The following SGTB variants were observed in gnomAD, a reference collection of about 807,000 sequenced individuals.
The protein encoded by SGTB is small glutamine rich tetratricopeptide repeat co-chaperone beta.
A neutral mutation model predicts 43.9 loss-of-function variants in SGTB; 19 were observed. The ratio of observed to expected loss-of-function variants is 0.43; its 90% CI spans 0.30 to 0.63. The LOEUF (loss-of-function observed/expected upper bound fraction) is 0.63, where lower values mean the gene tolerates loss of function less well. SGTB is among the 30% of genes least tolerant of loss of function. The pLI, the probability that SGTB is intolerant of heterozygous loss-of-function variation, is 0.12. For missense variants in SGTB, 304 were observed against 358.9 expected, an observed-to-expected ratio of 0.85 and a Z score of 1.24; for synonymous variants, 116 against 117.3, an observed-to-expected ratio of 0.99 and a Z score of 0.07.
At chr5:65,722,367 C>A, upstream of SGTB, 3 of 1,576,296 alleles carry the variant, frequency 1.9e-6, no homozygotes, top group Non-Finnish European at 2.6e-6. Context: ...AGCCTCTCAG[C>A]GCTCCCATGA....
At chr5:65,672,438 A>T (rs530526560) in intron 8 of SGTB, among the ~76,000 whole-genome samples, 157 bp from the exon 9 acceptor site, 48 of 152,316 alleles carry the variant, frequency 3.2e-4, no homozygotes, top group African/African-American at 1.1e-3. Context: ...ATGTAAAAAG[A>T]GAGAAGGTAC....
chr5:65,711,663 C>T (rs1456542173), intron 3 of SGTB, among the ~76,000 whole-genome samples: 1 of 152,262 alleles, frequency 6.6e-6, no homozygotes, highest in Non-Finnish European at 1.5e-5. Context: ...AGAATTCATC[C>T]GTTTGATGAA....
At chr5:65,706,203 A>T (rs1407357572) in intron 4 of SGTB, among the ~76,000 whole-genome samples, 1 of 152,186 alleles carries the variant, frequency 6.6e-6, no homozygotes, top group African/African-American at 2.4e-5. Flanking sequence ...GATCTTCCCC[A>T]AAAAAGAAAT....
rs1231487335 is a variant in SGTB at position 65,666,061 on chromosome 5, A to C, written c.*4185T>G. The C allele has an allele frequency of 6.6e-6, 1 of 152,632 alleles. No individual in the cohort carries two copies. The highest frequency in any genetic ancestry group is 6.5e-5 in the Admixed American group (1 of 15,284). 9.5% of individuals were successfully genotyped at this position (152,632 alleles called of 1,614,324 possible). ...TGTCTGTACAAAATAAAGTGCAAGCAGTGTAAAATTGAAGTCTGTCTTTGT... is the reference window on the plus strand; with the variant it reads ...TGTCTGTACAAAATAAAGTGCAAGCCGTGTAAAATTGAAGTCTGTCTTTGT... On this transcript the variant is annotated 3_prime_UTR_variant, in exon 11 of 11. Coordinates refer to ENST00000381007, the MANE Select transcript of SGTB (RefSeq NM_019072.3).
intron 5 of SGTB, among the ~76,000 whole-genome samples, chr5:65,692,562 G>A (rs1757633365): frequency 1.3e-5 from 2 of 152,068 alleles, no homozygotes; most frequent in Non-Finnish European, 2.9e-5. Context: ...CATTCTATAA[G>A]ACAATTGGCC....
At chr5:65,696,164 C>T (rs1757710663) in intron 5 of SGTB, among the ~76,000 whole-genome samples, 1 of 152,194 alleles carries the variant, frequency 6.6e-6, no homozygotes, top group African/African-American at 2.4e-5. Context: ...ATCTGAAATG[C>T]CTTCCCCTCT....
chr5:65,680,800 G>A lies in SGTB; in HGVS notation c.480-6C>T, dbSNP rs201737492. The A allele has an allele frequency of 3.5e-4, 564 of 1,611,892 alleles. 6 individuals carry two copies. Among genetic ancestry groups the A allele is most frequent in the South Asian group, 2.1e-4 (19 of 90,900 alleles). ...TCAAGGCAGTGAGGGCCAGCCTGAA[G>A]GGAATAGAATATAAGAATATCAGAT... On this transcript the variant is annotated splice_region_variant and splice_polypyrimidine_tract_variant and intron_variant, in intron 6 of 10. Coordinates refer to ENST00000381007, the MANE Select transcript of SGTB (RefSeq NM_019072.3).
intron 5 of SGTB, among the ~76,000 whole-genome samples, chr5:65,699,476 T>C (rs1175098139): frequency 6.6e-6 from 1 of 152,198 alleles, no homozygotes; most frequent in Non-Finnish European, 1.5e-5. Context: ...AATCTCAGAC[T>C]TCACCACTAT....
intron 6 of SGTB, among the ~76,000 whole-genome samples, chr5:65,682,465 T>C (rs1223817361): frequency 6.6e-6 from 1 of 152,216 alleles, no homozygotes; most frequent in Non-Finnish European, 1.5e-5. Context: ...TAGGAAGCTA[T>C]TGCAGTAGCT....
rs1409258062 is a variant in SGTB at position 65,680,696 on chromosome 5, A to G, written c.578T>C (p.Leu193Pro). ...DPENDSYKSN[L>P]KIAEQKLREV... ...TCTTAACTTCTGTTCTGCTATTTTCAGATTTGACTTATAGGAATCATTTTC... is the reference window on the plus strand; with the variant it reads ...TCTTAACTTCTGTTCTGCTATTTTCGGATTTGACTTATAGGAATCATTTTC... The change falls in exon 7 of 11, where the codon CTG becomes CCG. Residue 193 changes from leucine (L) to proline (P), a missense_variant. By Grantham distance (98) the Leu-to-Pro change is moderately conservative. Transcript: ENST00000381007. 6.2e-7 allele frequency: 1 copy of G among 1,614,134 alleles called. No individual in the cohort carries two copies. The highest frequency in any genetic ancestry group is 8.5e-7 in the Non-Finnish European group (1 of 1,180,012).
At chr5:65,704,999 T>A (rs1757901342) in intron 4 of SGTB, among the ~76,000 whole-genome samples, 1 of 152,210 alleles carries the variant, frequency 6.6e-6, no homozygotes, top group Admixed American at 6.5e-5. Context: ...GCCTGCAAAG[T>A]ACTGATTTTC....
At chr5:65,698,928 T>C (rs1225273550) in intron 5 of SGTB, among the ~76,000 whole-genome samples, 2 of 152,196 alleles carry the variant, frequency 1.3e-5, no homozygotes, top group Non-Finnish European at 2.9e-5. Context: ...CATACACTGC[T>C]AGTGGAAATG....
At chr5:65,722,924 C>G (rs1758351630), upstream of SGTB, 1 of 153,006 alleles carries the variant, frequency 6.5e-6, no homozygotes, top group South Asian at 2.0e-4. Flanking sequence ...TCCTCCTCCC[C>G]ATAAAACAAA....
At chr5:65,672,913 T>G (rs1377497668) in intron 8 of SGTB, among the ~76,000 whole-genome samples, 2 of 152,226 alleles carry the variant, frequency 1.3e-5, no homozygotes, top group Non-Finnish European at 2.9e-5. Context: ...GATCACTGAC[T>G]GATTCGTAAG....
rs564767053 is a variant in SGTB at position 65,698,462 on chromosome 5, G to T, written c.374+5817C>A. Among the ~76,000 whole-genome samples, 5 of 152,122 alleles carry T rather than the reference G, an allele frequency of 3.3e-5. No homozygotes were observed. The South Asian group carries it at 8.3e-4, about 25-fold the overall frequency. ...AGATGCACTAGGAAATTTGCTCAAG[G>T]TCCCATAGGTAGTAAGTGTCAGAGC... is the stretch of plus-strand genomic sequence containing the variant. On this transcript the variant is annotated intron_variant, in intron 5 of 10. Coordinates refer to ENST00000381007, the MANE Select transcript of SGTB (RefSeq NM_019072.3).
At chr5:65,703,564 C>T (rs1437515520) in intron 5 of SGTB, among the ~76,000 whole-genome samples, 2 of 151,658 alleles carry the variant, frequency 1.3e-5, no homozygotes, top group Non-Finnish European at 2.9e-5. Context: ...AACAAAAATA[C>T]AAAAATTAGC....
intron 2 of SGTB, among the ~76,000 whole-genome samples, chr5:65,717,206 G>C (rs950200447): frequency 6.6e-6 from 1 of 152,186 alleles, no homozygotes; most frequent in Admixed American, 6.5e-5. Flanking sequence ...GGCTTAATCA[G>C]AATGGGTTTA....
At chr5:65,689,497 T>G (rs73099334) in intron 5 of SGTB, among the ~76,000 whole-genome samples, 5,033 of 152,270 alleles carry the variant, frequency 0.033, 290 homozygotes, top group African/African-American at 0.11. Flanking sequence ...CCAATATAAT[T>G]GTAATTTATA....
In SGTB at chr5:65,713,063, A is replaced by C. The variant is rs781533430; in HGVS notation, c.102T>G (p.Val34=). Residue 34 remains valine (V), a splice_region_variant and synonymous_variant, in exon 3 of 11, where the codon GTT becomes GTG. Coordinates refer to ENST00000381007, the MANE Select transcript of SGTB (RefSeq NM_019072.3). The stretch of plus-strand genomic sequence containing the variant: ...AAACTGTCTCCAAGCACTGAATTGC[A>C]ACTTGAAATAAATTTTAATAGTAAA... ...YTSDEQESLE[V]AIQCLETVFK... 1.3e-6 allele frequency: 2 copies of C among 1,599,874 alleles called. No individual in the cohort carries two copies. Among genetic ancestry groups the C allele is most frequent in the South Asian group, 2.3e-5 (2 of 87,278 alleles).
Sources: allele counts gnomAD v4.1 joint callset (sites outside exome capture counted in the v4.1 genomes callset), GRCh38; gene constraint gnomAD v4.1.1; transcripts MANE v1.5; gene names NCBI Gene and HGNC (gene_info 2026-07-23, HGNC 2026-07-21).